The following COL14A1 variants were observed in gnomAD, a reference collection of about 807,000 sequenced individuals.
COL14A1 encodes the protein collagen type XIV alpha 1 chain, also known as collagen alpha-1(XIV) chain.
A neutral mutation model predicts 230.3 loss-of-function variants in COL14A1; 136 were observed. The ratio of observed to expected loss-of-function variants is 0.59; its 90% CI spans 0.51 to 0.68. The LOEUF (loss-of-function observed/expected upper bound fraction) is 0.68, where lower values mean the gene tolerates loss of function less well. Among genes scored for constraint, COL14A1 ranks in the 30% least tolerant of loss-of-function variants. COL14A1 has a pLI of 0.00. For missense variants in COL14A1, 1,976 were observed against 2,215.8 expected (o/e 0.89, Z 2.17); for synonymous variants, 792 against 784.1 (o/e 1.01, Z -0.17).
chr8:120,294,750 C>T lies in COL14A1; in HGVS notation c.4237-2761C>T, dbSNP rs141204846. ...AGTCCCTAAATAAAGGCTGAGGAAT[C>T]TAAACTATTACAAGTGCAAACAATT... is the stretch of plus-strand genomic sequence containing the variant. On this transcript the variant is annotated intron_variant, in intron 34 of 47. Coordinates refer to ENST00000297848, the MANE Select transcript of COL14A1 (RefSeq NM_021110.4). Among the ~76,000 whole-genome samples the T allele has an allele frequency of 6.2e-3, 939 of 151,778 alleles. 10 individuals carry two copies. The highest frequency in any genetic ancestry group is 0.021 in the African/African-American group (883 of 41,506).
At chr8:120,302,637 C>G (rs7844938) in intron 36 of COL14A1, among the ~76,000 whole-genome samples, 1 of 152,074 alleles carries the variant, frequency 6.6e-6, no homozygotes, top group Non-Finnish European at 1.5e-5. Context: ...GTTTTGATTA[C>G]CATAGCCCTA....
intron 23 of COL14A1, among the ~76,000 whole-genome samples, chr8:120,260,721 T>A (rs1819296008): frequency 6.6e-6 from 1 of 152,150 alleles, no homozygotes; most frequent in Non-Finnish European, 1.5e-5. Flanking sequence ...ACAACAATGC[T>A]CTGTGCCTAC....
intron 5 of COL14A1, among the ~76,000 whole-genome samples, chr8:120,176,313 A>G (rs1816281953): frequency 6.6e-6 from 1 of 152,158 alleles, no homozygotes; most frequent in African/African-American, 2.4e-5. Context: ...TACATAATCT[A>G]GCAGGGCTCA....
intron 43 of COL14A1, among the ~76,000 whole-genome samples, chr8:120,342,133 A>G (rs1488775984): frequency 6.6e-6 from 1 of 152,220 alleles, no homozygotes; most frequent in Non-Finnish European, 1.5e-5. Context: ...TAAATTTTTT[A>G]GAATAGGGGA....
rs974969341 is a variant in COL14A1 at position 120,193,908 on chromosome 8, C to T, written c.437-2883C>T. On this transcript the variant is annotated intron_variant, in intron 5 of 47. Coordinates refer to ENST00000297848, the MANE Select transcript of COL14A1 (RefSeq NM_021110.4). ...GTTTTTTAAGCCCCTCGGAAAAGCG[C>T]AGTATTAGGGTGGGAGTGACCCGGT... Among the ~76,000 whole-genome samples the T allele has an allele frequency of 3.3e-5, 5 of 152,152 alleles. No individual in the cohort carries two copies. In the South Asian group the frequency reaches 1.0e-3, roughly 31 times the overall value.
At chr8:120,335,743 A>G (rs1418839693) in intron 42 of COL14A1, among the ~76,000 whole-genome samples, 1 of 152,208 alleles carries the variant, frequency 6.6e-6, no homozygotes, top group Non-Finnish European at 1.5e-5. Context: ...CAGAATGTAC[A>G]TTGCTGCTGC....
At chr8:120,250,804 T>TTTTTG (rs750869323) in intron 22 of COL14A1, 38 bp downstream of exon 22, 3 of 1,609,494 alleles carry the variant, frequency 1.9e-6, no homozygotes, top group South Asian at 2.2e-5. Flanking sequence ...CGCATATGGG[T>TTTTTG]TTTTGTTTTG....
At chr8:120,354,395 A>T (rs954551366) in intron 45 of COL14A1, among the ~76,000 whole-genome samples, 2 of 133,422 alleles carry the variant, frequency 1.5e-5, no homozygotes, top group African/African-American at 7.2e-5. Flanking sequence ...GTATAATTAA[A>T]AAAAAAAAAA....
intron 22 of COL14A1, 50 bp from the exon 23 acceptor site, chr8:120,255,190 C>A: frequency 7.1e-7 from 1 of 1,411,392 alleles, no homozygotes; most frequent in Non-Finnish European, 1.0e-6. Context: ...TTCAGGGATG[C>A]TTGTGTGTTG....
chr8:120,280,237 TTG>T, intron 29 of COL14A1, 138 bp downstream of exon 29: 1 of 1,025,206 alleles, frequency 9.8e-7, no homozygotes, highest in Non-Finnish European at 1.4e-6. Context: ...ACATTAAGTT[TTG>T]TGGCTTTGAG....
intron 24 of COL14A1, among the ~76,000 whole-genome samples, chr8:120,264,881 C>A (rs1175682155): frequency 6.6e-6 from 1 of 152,018 alleles, no homozygotes; most frequent in African/African-American, 2.4e-5. Context: ...TGTTTAGGAC[C>A]CCTGATCTAC....
At chr8:120,312,282 A>G (rs1359583368) in intron 37 of COL14A1, among the ~76,000 whole-genome samples, 1 of 152,034 alleles carries the variant, frequency 6.6e-6, no homozygotes, top group East Asian at 1.9e-4. Context: ...GTTATCATTC[A>G]GTGCTTCCAC....
intron 22 of COL14A1, among the ~76,000 whole-genome samples, 163 bp downstream of exon 22, chr8:120,250,929 T>TC (rs1818927214): frequency 6.6e-6 from 1 of 152,196 alleles, no homozygotes; most frequent in African/African-American, 2.4e-5. Flanking sequence ...TGCCTCAGCC[T>TC]CTCGAGTAGC....
chr8:120,229,457 C>G (rs554787385), intron 18 of COL14A1, among the ~76,000 whole-genome samples: 2 of 152,190 alleles, frequency 1.3e-5, no homozygotes, highest in East Asian at 3.9e-4. Flanking sequence ...TGTTTTATGG[C>G]TGCATAGTAT....
At chr8:120,204,407 G>A (rs906911556) in intron 9 of COL14A1, among the ~76,000 whole-genome samples, 3 of 152,156 alleles carry the variant, frequency 2.0e-5, no homozygotes, top group African/African-American at 7.2e-5. Flanking sequence ...AATATTACGT[G>A]AATGGAGGTA....
intron 12 of COL14A1, 93 bp from the exon 13 acceptor site, chr8:120,212,355 T>C (rs2130765672): frequency 7.6e-7 from 1 of 1,312,310 alleles, no homozygotes; most frequent in East Asian, 2.4e-5. Context: ...CGTAAAGTCT[T>C]ATCCCATGAA....
intron 10 of COL14A1, among the ~76,000 whole-genome samples, chr8:120,207,421 C>A (rs1447607919): frequency 3.1e-5 from 3 of 97,942 alleles, no homozygotes; most frequent in Non-Finnish European, 5.8e-5. Context: ...GCTATTTGTG[C>A]ATTTTTTCTA....
intron 3 of COL14A1, among the ~76,000 whole-genome samples, chr8:120,161,732 G>A (rs1178292613): frequency 6.6e-6 from 1 of 151,934 alleles, no homozygotes; most frequent in Non-Finnish European, 1.5e-5. Flanking sequence ...GCGCAATATC[G>A]GCTCAACTGC....
At chr8:120,280,808 A>G (rs1586828351) in intron 30 of COL14A1, 59 bp downstream of exon 30, 1 of 1,558,320 alleles carries the variant, frequency 6.4e-7, no homozygotes, top group East Asian at 2.3e-5. Context: ...TCAATTGGGG[A>G]TGGGGTTTCT....
Sources: gnomAD v4.1 joint callset for allele counts (sites outside exome capture counted in the v4.1 genomes callset) on GRCh38, gnomAD v4.1.1 for gene constraint, MANE v1.5 for transcripts, NCBI Gene and HGNC (gene_info 2026-07-23, HGNC 2026-07-21) for gene names.